The following SI variants were observed in gnomAD, a reference collection of about 807,000 sequenced individuals.
The protein encoded by SI is sucrase-isomaltase.
In SI, 235 loss-of-function variants were observed where a neutral mutation model predicts 253.3. That is an observed-to-expected ratio of 0.93 (90% CI 0.83 to 1.03). The LOEUF is 1.03. SI is among the 50% of genes least tolerant of loss of function. The probability of loss-of-function intolerance (pLI) is 0.00; values close to 1 mark genes in which losing one functional copy is unlikely to be tolerated. For synonymous variants in SI, 819 were observed against 712.0 expected (o/e 1.15, Z -2.39); for missense variants, 2,442 against 2,211.1 (o/e 1.10, Z -2.09).
chr3:165,013,148 A>C (rs1189501491), intron 33 of SI, 106 bp from the exon 34 acceptor site: 2 of 784,096 alleles, frequency 2.6e-6, no homozygotes, highest in Non-Finnish European at 4.7e-6. Flanking sequence ...TATTAACTCA[A>C]AGTCTTCAGA....
At chr3:164,980,142 C>T (rs1717112113) in intron 47 of SI, among the ~76,000 whole-genome samples, 1 of 151,782 alleles carries the variant, frequency 6.6e-6, no homozygotes, top group South Asian at 2.1e-4. Flanking sequence ...GAGGTGAATC[C>T]TTTACTACCT....
At chr3:165,046,289 T>A (rs888717814) in intron 16 of SI, among the ~76,000 whole-genome samples, 3 of 152,134 alleles carry the variant, frequency 2.0e-5, no homozygotes, top group African/African-American at 7.2e-5. Flanking sequence ...CTCTCTTTAG[T>A]CTTGAATATC....
At chr3:165,089,970 A>G in the SI span, among the ~76,000 whole-genome samples, 1 of 152,140 alleles carries the variant, frequency 6.6e-6, no homozygotes, top group African/African-American at 2.4e-5. Flanking sequence ...AGGACAGAGC[A>G]AGAAGGTGGA....
chr3:165,069,285 T>G (rs2108101317), intron 3 of SI, 90 bp from the exon 4 acceptor site: 1 of 914,920 alleles, frequency 1.1e-6, no homozygotes, highest in South Asian at 1.4e-5. Flanking sequence ...TATTTTAAAA[T>G]AATCTAACTT....
chr3:165,059,055 C>T lies in SI; in HGVS notation c.1306G>A (p.Ala436Thr). The T allele has an allele frequency of 6.2e-7, 1 of 1,612,476 alleles. No individual in the cohort carries two copies. Among genetic ancestry groups the T allele is most frequent in the Non-Finnish European group, 8.5e-7 (1 of 1,179,150 alleles). ...TAGGTTGCATATGTTGTTCCATTGG[C>T]ACGTCGACCTATGGAAATTGCAGGG... ...LDPAISIGRR[A>T]NGTTYATYER... is the part of the protein sequence containing the mutation. The change falls in exon 12 of 48, where the codon GCC (alanine) becomes ACC (threonine). Residue 436 changes from alanine (A) to threonine (T), a missense_variant. By Grantham distance (58) the Ala-to-Thr change is moderately conservative. Transcript: ENST00000264382.
chr3:165,058,831 A>G, intron 12 of SI, 132 bp downstream of exon 12: 1 of 665,312 alleles, frequency 1.5e-6, no homozygotes, highest in Non-Finnish European at 2.6e-6. Flanking sequence ...CACAATTAAA[A>G]TATAAAATTC....
rs1437833955 is a variant in SI, at chr3:165,062,407, T to C, written c.984A>G (p.Gly328=). ...GGILDFYILL[G]DTPEQVVQQY... ...GTTGAACTACTTGTTCTGGTGTATC[T>C]CCTAGAAGGATGTAAAAATCCAGAA... The change falls in exon 9 of 48, where the codon GGA becomes GGG. Residue 328 remains glycine (G), a synonymous_variant. Transcript: ENST00000264382. 6.3e-7 allele frequency: 1 copy of C among 1,598,616 alleles called. No individual in the cohort carries two copies. Among genetic ancestry groups the C allele is most frequent in the East Asian group, 2.2e-5 (1 of 44,594 alleles).
intron 33 of SI, 98 bp from the exon 34 acceptor site, chr3:165,013,140 T>G: frequency 1.2e-6 from 1 of 812,294 alleles, no homozygotes; most frequent in Admixed American, 1.7e-5. Context: ...AGGCTTATTA[T>G]TAACTCAAAG....
chr3:164,987,158 C>T lies in SI; in HGVS notation c.5177G>A (p.Trp1726Ter). ...DNQMAQGSLF[W>*]DDGESIDTYE... Reference sequence around the variant, plus strand: ...CTCACCTATACTCTCTCCATCATCCCAAAACAGAGAACCCTGTGCCATCTG... The same window carrying T: ...CTCACCTATACTCTCTCCATCATCCTAAAACAGAGAACCCTGTGCCATCTG... Residue 1726 changes from tryptophan to a stop codon, truncating the protein, a stop_gained, in exon 45 of 48, where the codon TGG (tryptophan) becomes TAG (stop). Coordinates refer to ENST00000264382, the MANE Select transcript of SI (RefSeq NM_001041.4). LOFTEE classifies it high-confidence loss of function. The T allele has an allele frequency of 6.2e-7, 1 of 1,613,486 alleles. No individual in the cohort carries two copies. Among genetic ancestry groups the T allele is most frequent in the Non-Finnish European group, 8.5e-7 (1 of 1,179,616 alleles).
chr3:165,035,543 CAT>C (rs756456205), intron 22 of SI, among the ~76,000 whole-genome samples: 37 of 151,632 alleles, frequency 2.4e-4, no homozygotes, highest in African/African-American at 4.8e-4. Flanking sequence ...TAAATATTCA[CAT>C]GTTTCATATA....
Position 165,017,777 on chromosome 3 carries a change from G to A in SI, c.3617C>T (p.Thr1206Ile). Reference sequence around the variant, plus strand: ...CAATCATACTTCATGGTATTGCTTTGTTGCAACTTCTGGAGTTGGGCCCAA... The same window carrying A: ...CAATCATACTTCATGGTATTGCTTTATTGCAACTTCTGGAGTTGGGCCCAA... ...MFLGPTPEVA[T>I]KQYHEVIGHP... The change falls in exon 30 of 48, where the codon ACA becomes ATA. Residue 1206 changes from threonine to isoleucine, a missense_variant. Coordinates refer to ENST00000264382, the MANE Select transcript of SI (RefSeq NM_001041.4). 6.2e-7 allele frequency: 1 copy of A among 1,612,064 alleles called. No homozygotes were observed. The highest frequency in any genetic ancestry group is 8.5e-7 in the Non-Finnish European group (1 of 1,178,674).
At chr3:165,040,608 A>G (rs1436317176) in intron 18 of SI, among the ~76,000 whole-genome samples, 2 of 151,746 alleles carry the variant, frequency 1.3e-5, no homozygotes, top group Non-Finnish European at 2.9e-5. Flanking sequence ...TTTATACTCT[A>G]CTCTTGATCT....
intron 35 of SI, 139 bp from the exon 36 acceptor site, chr3:165,008,137 T>C (rs548045065): frequency 1.2e-5 from 6 of 506,110 alleles, no homozygotes; most frequent in Admixed American, 6.7e-5. Context: ...CAAACAAAAT[T>C]GTAAAACATC....
Position 165,045,763 on chromosome 3 carries a change from C to G in SI, c.1887+1078G>C, listed in dbSNP as rs572760572. On this transcript the variant is annotated intron_variant, in intron 16 of 47. Coordinates refer to ENST00000264382, the MANE Select transcript of SI (RefSeq NM_001041.4). ...AAGATTTAATAAGTAAAATTGTTAA[C>G]AGTTAATTCTTAGGTTGTTTTTTTT... Among the ~76,000 whole-genome samples the G allele has an allele frequency of 1.3e-4, 18 of 133,714 alleles. No individual in the cohort carries two copies. The East Asian group carries it at 4.1e-3, about 30-fold the overall frequency. The allele number at this position is 133,714 out of a possible 152,430, so 87.7% of individuals were successfully genotyped here.
intron 25 of SI, among the ~76,000 whole-genome samples, chr3:165,024,822 T>C (rs1440529475): frequency 6.6e-6 from 1 of 151,226 alleles, no homozygotes; most frequent in Non-Finnish European, 1.5e-5. Context: ...ATACTCACTA[T>C]CTCTAATTTG....
rs866045548 is a variant in SI, at chr3:165,039,947, C to G, written c.2184G>C (p.Trp728Cys). ...CCCACAAAAACTCAGTGTCCTCAAT[C>G]CAGCTGTTCGTATCCTCATAAAACC... ...LHEFYEDTNS[W>C]IEDTEFLWGP... The change falls in exon 19 of 48, where the codon TGG (tryptophan) becomes TGC (cysteine). Residue 728 changes from tryptophan to cysteine, a missense_variant. By Grantham distance (215) the Trp-to-Cys change is radical. Coordinates refer to ENST00000264382, the MANE Select transcript of SI (RefSeq NM_001041.4). 2 of 1,613,024 alleles carry G rather than the reference C, an allele frequency of 1.2e-6. No homozygotes were observed. The highest frequency in any genetic ancestry group is 1.7e-6 in the Non-Finnish European group (2 of 1,179,342).
Position 165,000,047 on chromosome 3 carries a change from G to A in SI, c.4407-1374C>T, listed in dbSNP as rs547079485. 9.3e-5 allele frequency among the ~76,000 whole-genome samples: 14 copies of A among 151,158 alleles called. No individual in the cohort carries two copies. The East Asian group carries it at 2.3e-3, about 25-fold the overall frequency. Reference sequence around the variant, plus strand: ...TAATAAGAAATAAATATATAAATATGAAGAGTAATAATTGGTGATAATTCT... The same window carrying A: ...TAATAAGAAATAAATATATAAATATAAAGAGTAATAATTGGTGATAATTCT... On this transcript the variant is annotated intron_variant, in intron 37 of 47. Transcript: ENST00000264382.
chr3:165,025,346 G>T (rs749844513), intron 25 of SI, among the ~76,000 whole-genome samples: 1 of 151,166 alleles, frequency 6.6e-6, no homozygotes, highest in Non-Finnish European at 1.5e-5. Flanking sequence ...AGAAGTCTGG[G>T]ATTATGTTAA....
chr3:164,995,479 A>G lies in SI; in HGVS notation c.4692+1056T>C, dbSNP rs114352533. ...TTCGAGTAATACATTTCAATAGTTC[A>G]TTTGTACCAACTCATATTTAAACTT... On this transcript the variant is annotated intron_variant, in intron 40 of 47. Coordinates refer to ENST00000264382, the MANE Select transcript of SI (RefSeq NM_001041.4). 4.1e-3 allele frequency among the ~76,000 whole-genome samples: 629 copies of G among 151,916 alleles called. 2 individuals carry two copies. Among genetic ancestry groups the G allele is most frequent in the Admixed American group, 6.7e-3 (101 of 15,172 alleles).
Sources: allele counts gnomAD v4.1 joint callset (sites outside exome capture counted in the v4.1 genomes callset), GRCh38; gene constraint gnomAD v4.1.1; transcripts MANE v1.5; gene names NCBI Gene and HGNC (gene_info 2026-07-23, HGNC 2026-07-21).